The following SLC12A3 variants were observed in gnomAD, a reference collection of about 807,000 sequenced individuals.
SLC12A3 encodes the protein Na-Cl cotransporter.
SLC12A3 carries 104 observed loss-of-function variants against 121.0 expected under a neutral mutation model. The observed-to-expected ratio is 0.86, with a 90% CI of 0.73 to 1.01. The LOEUF (loss-of-function observed/expected upper bound fraction) is 1.01, where lower values mean the gene tolerates loss of function less well. SLC12A3 is among the 50% of genes least tolerant of loss of function. The pLI is 0.00. For missense variants in SLC12A3, 1,328 were observed against 1,356.3 expected, an observed-to-expected ratio of 0.98 and a Z score of 0.33; for synonymous variants, 536 against 533.4, an observed-to-expected ratio of 1.00 and a Z score of -0.07.
chr16:56,870,146 T>G lies in SLC12A3; in HGVS notation c.652T>G (p.Ser218Ala). 6.2e-7 allele frequency: 1 copy of G among 1,614,046 alleles called. No homozygotes were observed. The highest frequency in any genetic ancestry group is 2.2e-5 in the East Asian group (1 of 44,882). The change falls in exon 5 of 26, where the codon TCC (serine) becomes GCC (alanine). Residue 218 changes from serine (S) to alanine (A), a missense_variant. By Grantham distance (99) the Ser-to-Ala change is moderately conservative (BLOSUM62 1). Transcript: ENST00000563236. ...GAGTCTGGGCCCAGAGCTTGGGGGC[T>G]CCATCGGCCTCATTTTCGCTTTCGC... ...SRSLGPELGG[S>A]IGLIFAFANA...
In SLC12A3 at chr16:56,868,370, TCGGTG is replaced by T; in HGVS notation, c.504_505+3del. On this transcript the variant is annotated splice_donor_variant and splice_donor_region_variant and coding_sequence_variant and intron_variant, in exon 3 of 26. Transcript: ENST00000563236. LOFTEE classifies it high-confidence loss of function. ...CCCTGGATTACGGCCCAGGCAGGCATCGGTGAGTGCCCCTCTGGGGAAGAGGAGGG... is the reference window on the plus strand; with the variant it reads ...CCCTGGATTACGGCCCAGGCAGGCATAGTGCCCCTCTGGGGAAGAGGAGGG... 1.9e-6 allele frequency: 3 copies of T among 1,612,128 alleles called. No individual in the cohort carries two copies. Among genetic ancestry groups the T allele is most frequent in the Middle Eastern group, 3.3e-4 (2 of 6,060 alleles).
At position 56,866,966 on chromosome 16, in the gene SLC12A3, G is replaced by C. The variant is rs117904839; in HGVS notation, c.283-104G>C. On this transcript the variant is annotated intron_variant, in intron 1 of 25. Coordinates refer to ENST00000563236, the MANE Select transcript of SLC12A3 (RefSeq NM_001126108.2). The stretch of plus-strand genomic sequence containing the variant: ...AACACCCAGTGGGCTGAGGGGTCGG[G>C]GGGTGCTCGGTATGGGGCGCAGTGG... 119 of 1,491,168 alleles carry C rather than the reference G, an allele frequency of 8.0e-5. No individual in the cohort carries two copies. The East Asian group carries it at 1.5e-3, about 19-fold the overall frequency. The allele number at this position is 1,491,168 out of a possible 1,614,324, so 92.4% of individuals were successfully genotyped here. A position where few individuals can be genotyped will look rare whatever the true frequency, so the allele number is the denominator to read the frequency against.
Position 56,880,233 on chromosome 16 carries a change from C to T in SLC12A3, c.1547C>T (p.Ala516Val), listed in dbSNP as rs758335661. ...VRGYLLAYAI[A>V]VAFIIIAELN... ...GGCTACCTGCTGGCCTACGCCATCG[C>T]TGTGGCCTTCATCATCATCGGTAAG... Residue 516 changes from alanine (A) to valine (V), a missense_variant, in exon 12 of 26, where the codon GCT (alanine) becomes GTT (valine). Ala to Val is a moderately conservative substitution (Grantham distance 64, BLOSUM62 0). Transcript: ENST00000563236. 5 of 1,584,216 alleles carry T rather than the reference C, an allele frequency of 3.2e-6. No individual in the cohort carries two copies. The highest frequency in any genetic ancestry group is 2.3e-5 in the East Asian group (1 of 43,866).
intron 13 of SLC12A3, 58 bp downstream of exon 13, chr16:56,882,555 G>A (rs1244538339): frequency 1.5e-6 from 2 of 1,344,818 alleles, no homozygotes; most frequent in Non-Finnish European, 1.1e-6. Flanking sequence ...GAGGAACTGG[G>A]GCATGGGGTG....
rs1315030808 is a variant in SLC12A3 at position 56,872,753 on chromosome 16, C to T, written c.1062C>T (p.Ile354=). 2 of 1,614,128 alleles carry T rather than the reference C, an allele frequency of 1.2e-6. No homozygotes were observed. The highest frequency in any genetic ancestry group is 3.3e-5 in the Admixed American group (2 of 60,018). ...FSIFFPSATG[I]LAGANISGDL... ...TCTTCTTCCCCTCGGCCACAGGCAT[C>T]CTGGCAGGGGCCAACATATCTGGTG... Residue 354 remains isoleucine (I), a synonymous_variant, in exon 8 of 26, where the codon ATC becomes ATT. Coordinates refer to ENST00000563236, the MANE Select transcript of SLC12A3 (RefSeq NM_001126108.2).
chr16:56,880,364 A>T, intron 12 of SLC12A3, 111 bp downstream of exon 12: 1 of 1,347,984 alleles, frequency 7.4e-7, no homozygotes, highest in Non-Finnish European at 1.0e-6. Context: ...GCCGGGCCTG[A>T]CAGTTAGTGG....
At chr16:56,867,753 GC>G (rs1320499807) in intron 2 of SLC12A3, among the ~76,000 whole-genome samples, 1 of 152,168 alleles carries the variant, frequency 6.6e-6, no homozygotes, top group Non-Finnish European at 1.5e-5. Context: ...GGGCTGTGTT[GC>G]CAGAGCCGGG....
chr16:56,885,477 A>G, intron 15 of SLC12A3, 113 bp downstream of exon 15: 2 of 743,740 alleles, frequency 2.7e-6, no homozygotes, highest in East Asian at 5.4e-5. Flanking sequence ...GGGTATGTGC[A>G]GCCTCCACTC....
At chr16:56,904,348 T>C in intron 24 of SLC12A3, 47 bp from the exon 25 acceptor site, 2 of 1,561,708 alleles carry the variant, frequency 1.3e-6, no homozygotes, top group Non-Finnish European at 1.8e-6. Context: ...AAGGATTGAG[T>C]GACCTCGATG....
At chr16:56,908,540 AAAG>A (rs1412595795) in intron 25 of SLC12A3, among the ~76,000 whole-genome samples, 1 of 152,200 alleles carries the variant, frequency 6.6e-6, no homozygotes, top group African/African-American at 2.4e-5. Flanking sequence ...AAAAAGAAAA[AAAG>A]AAGAATGTCA....
At chr16:56,880,105 G>A in intron 11 of SLC12A3, 25 bp from the exon 12 acceptor site, 1 of 1,600,230 alleles carries the variant, frequency 6.2e-7, no homozygotes, top group Non-Finnish European at 8.5e-7. Flanking sequence ...CAGCCTAAGG[G>A]TGAGTGCGGC....
chr16:56,870,365 CTG>C, intron 5 of SLC12A3, 130 bp downstream of exon 5: 1 of 1,043,142 alleles, frequency 9.6e-7, no homozygotes. Context: ...AGCCTGATCA[CTG>C]TGGGTGAGAG....
At chr16:56,881,894 C>T (rs902910252) in intron 12 of SLC12A3, among the ~76,000 whole-genome samples, 51 of 151,824 alleles carry the variant, frequency 3.4e-4, no homozygotes, top group African/African-American at 1.2e-3. Flanking sequence ...ACTAAAAATA[C>T]AAAAATTAGC....
chr16:56,899,974 T>C (rs1411854798), intron 23 of SLC12A3, among the ~76,000 whole-genome samples: 1 of 152,230 alleles, frequency 6.6e-6, no homozygotes, highest in Non-Finnish European at 1.5e-5. Flanking sequence ...CAGTGACCAA[T>C]GGCAGGTTCA....
intron 19 of SLC12A3, among the ~76,000 whole-genome samples, chr16:56,891,236 G>A (rs1375668610): frequency 6.6e-6 from 1 of 151,884 alleles, no homozygotes; most frequent in African/African-American, 2.4e-5. Context: ...ACCAGGTGTG[G>A]TGGCACGTGT....
chr16:56,870,330 C>A (rs1234084097), intron 5 of SLC12A3, 95 bp downstream of exon 5: 3 of 1,346,418 alleles, frequency 2.2e-6, no homozygotes, highest in Non-Finnish European at 3.0e-6. Context: ...TGCTGCTCTG[C>A]CTGACTTCAC....
At chr16:56,911,222 G>T (rs1274050790) in intron 25 of SLC12A3, among the ~76,000 whole-genome samples, 1 of 152,234 alleles carries the variant, frequency 6.6e-6, no homozygotes, top group East Asian at 1.9e-4. Flanking sequence ...CTTTCTCCTG[G>T]AAAGTCACTA....
At chr16:56,912,625 T>C (rs114955248) in intron 25 of SLC12A3, among the ~76,000 whole-genome samples, 2,779 of 152,322 alleles carry the variant, frequency 0.018, 90 homozygotes, top group African/African-American at 0.062. Flanking sequence ...AGCCTGACTG[T>C]ATCAGACTGT....
At position 56,878,106 on chromosome 16, in the gene SLC12A3, C is replaced by T. The variant is rs761193208; in HGVS notation, c.1125C>T (p.Thr375=). The T allele has an allele frequency of 3.7e-6, 6 of 1,600,158 alleles. No homozygotes were observed. Among genetic ancestry groups the T allele is most frequent in the Non-Finnish European group, 3.4e-6 (4 of 1,175,656 alleles). ...KDPAIAIPKG[T]LMAIFWTTIS... is the part of the protein sequence containing the mutation. ...CTGCTATAGCCATCCCCAAGGGGAC[C>T]CTCATGGCCATTTTCTGGACGACCA... is the stretch of plus-strand genomic sequence containing the variant. The change falls in exon 9 of 26, where the codon ACC becomes ACT. Residue 375 remains threonine, a synonymous_variant. Transcript: ENST00000563236.
Sources: allele counts gnomAD v4.1 joint callset (sites outside exome capture counted in the v4.1 genomes callset), GRCh38; gene constraint gnomAD v4.1.1; transcripts MANE v1.5; gene names NCBI Gene and HGNC (gene_info 2026-07-23, HGNC 2026-07-21).